The following NPHP3 variants were observed in gnomAD, a reference collection of about 807,000 sequenced individuals.
NPHP3 encodes nephrocystin 3.
A neutral mutation model predicts 171.9 loss-of-function variants in NPHP3; 123 were observed. That is an observed-to-expected ratio of 0.72 (90% CI 0.62 to 0.83). The LOEUF is 0.83. NPHP3 is among the 40% of genes least tolerant of loss of function. The pLI is 0.00. For missense variants in NPHP3, 1,506 were observed against 1,591.9 expected, an observed-to-expected ratio of 0.95 and a Z score of 0.92; for synonymous variants, 558 against 579.2, an observed-to-expected ratio of 0.96 and a Z score of 0.52.
rs910477617 is a variant in NPHP3, at chr3:132,696,821, A to G, written c.2089-8T>C. On this transcript the variant is annotated splice_region_variant and splice_polypyrimidine_tract_variant and intron_variant, in intron 14 of 26. Coordinates refer to ENST00000337331, the MANE Select transcript of NPHP3 (RefSeq NM_153240.5). ...TCGTTCTAGCTTCTTCTCCTGCACC[A>G]GTTTACCAAGAAAAACAAAACAGAA... 1.2e-6 allele frequency: 2 copies of G among 1,611,832 alleles called. No individual in the cohort carries two copies. The highest frequency in any genetic ancestry group is 1.7e-6 in the Non-Finnish European group (2 of 1,178,206).
intron 4 of NPHP3, among the ~76,000 whole-genome samples, chr3:132,715,851 G>C (rs1244963119): frequency 6.6e-6 from 1 of 152,152 alleles, no homozygotes; most frequent in Non-Finnish European, 1.5e-5. Flanking sequence ...ATATTCTTTT[G>C]GATATGAATA....
intron 19 of NPHP3, 96 bp from the exon 20 acceptor site, chr3:132,689,359 T>C: frequency 7.7e-7 from 1 of 1,300,532 alleles, no homozygotes; most frequent in Non-Finnish European, 1.1e-6. Flanking sequence ...ATTGACAATT[T>C]ATTAGTAGGC....
chr3:132,691,678 A>G (rs1939303037), intron 17 of NPHP3, among the ~76,000 whole-genome samples: 1 of 152,226 alleles, frequency 6.6e-6, no homozygotes, highest in African/African-American at 2.4e-5. Flanking sequence ...GACTTCATTT[A>G]CAATTGTATA....
intron 10 of NPHP3, 141 bp from the exon 11 acceptor site, chr3:132,700,589 ATTTCTGTT>A: frequency 1.8e-6 from 1 of 558,596 alleles, no homozygotes; most frequent in Non-Finnish European, 3.1e-6. Flanking sequence ...AAATATGGAG[ATTTCTGTT>A]TTTACTCCAC....
intron 1 of NPHP3, 88 bp from the exon 2 acceptor site, chr3:132,719,918 A>G (rs1576688643): frequency 2.3e-6 from 1 of 443,680 alleles, no homozygotes. Flanking sequence ...ATATATATAT[A>G]TGTTACGTAT....
In NPHP3 at chr3:132,691,433, A is replaced by G. The variant is rs1939296336; in HGVS notation, c.2476-147T>C. 7.9e-6 allele frequency: 5 copies of G among 635,246 alleles called. No individual in the cohort carries two copies. The Admixed American group carries it at 8.0e-5, about 10-fold the overall frequency. The allele number at this position is 635,246 out of a possible 1,614,324, so 39.4% of individuals were successfully genotyped here. ...ACTTAAATGTTTTTAAATTTAGGAC[A>G]TATTTATTTGATAAACTGTTACTAG... On this transcript the variant is annotated intron_variant, in intron 17 of 26. Transcript: ENST00000337331.
At chr3:132,703,574 TCTTTC>T (rs1446148099) in intron 9 of NPHP3, among the ~76,000 whole-genome samples, 4 of 150,560 alleles carry the variant, frequency 2.7e-5, no homozygotes, top group Admixed American at 2.6e-4. Flanking sequence ...TTTCTTTCTT[TCTTTC>T]TTTTTTTTTT....
chr3:132,715,585 T>C (rs747628002), intron 4 of NPHP3, among the ~76,000 whole-genome samples: 4 of 152,238 alleles, frequency 2.6e-5, no homozygotes, highest in Non-Finnish European at 5.9e-5. Flanking sequence ...GTTAAAAGAA[T>C]GTTCAAGAAT....
chr3:132,687,097 G>C, intron 22 of NPHP3, 54 bp downstream of exon 22: 1 of 891,180 alleles, frequency 1.1e-6, no homozygotes, highest in Non-Finnish European at 1.9e-6. Context: ...ATGCATTTAT[G>C]ATGCTCTTTT....
intron 3 of NPHP3, among the ~76,000 whole-genome samples, chr3:132,717,772 T>C (rs992891723): frequency 4.1e-5 from 6 of 146,052 alleles, no homozygotes; most frequent in African/African-American, 7.7e-5. Flanking sequence ...TTTTTTTTTT[T>C]TTTTTGAGAT....
Position 132,722,198 on chromosome 3 carries a change from G to T in NPHP3, c.158C>A (p.Ala53Glu). Residue 53 changes from alanine to glutamate, a missense_variant, in exon 1 of 27, where the codon GCA becomes GAA. Ala to Glu is a moderately radical substitution (Grantham distance 107). Around this residue, in one of 3 missense-constraint regions of NPHP3, gnomAD observed 930 missense variants for 924.9 expected, o/e 1.01. Transcript: ENST00000337331. ...GGGCAGCGACCCGGGCCCGGCCCCT[G>T]CTGCCGCCCCCGCGCCTCGGCGGAA... ...NSFRRGAGAA[A>E]GAGPGSLPRG... 6.6e-7 allele frequency: 1 copy of T among 1,509,598 alleles called. No individual in the cohort carries two copies. 93.5% of individuals were successfully genotyped at this position (1,509,598 alleles called of 1,614,324 possible). A position where few individuals can be genotyped will look rare whatever the true frequency, so the allele number is the denominator to read the frequency against.
chr3:132,690,708 AG>A (rs2107969579), intron 18 of NPHP3, 58 bp from the exon 19 acceptor site: 3 of 1,567,396 alleles, frequency 1.9e-6, no homozygotes, highest in Non-Finnish European at 2.6e-6. Context: ...TGCTTCAAAA[AG>A]GCTTCAGGCA....
Position 132,688,671 on chromosome 3 carries a change from G to A in NPHP3, c.3104C>T (p.Thr1035Ile). 6.2e-7 allele frequency: 1 copy of A among 1,614,048 alleles called. No individual in the cohort carries two copies. The highest frequency in any genetic ancestry group is 8.5e-7 in the Non-Finnish European group (1 of 1,179,922). ...TTACTTATTTTGTTTCTGGTACAAAGTTGCAAGTGCTTCAAGTTCACGAGC... is the reference window on the plus strand; with the variant it reads ...TTACTTATTTTGTTTCTGGTACAAAATTGCAAGTGCTTCAAGTTCACGAGC... ...YTARELEALA[T>I]LYQKQNKYEQ... The change falls in exon 21 of 27, where the codon ACT becomes ATT. Residue 1035 changes from threonine to isoleucine, a missense_variant. Physicochemically the swap from Thr to Ile is moderately conservative, Grantham distance 89. Around this residue, in one of 3 missense-constraint regions of NPHP3, gnomAD observed 569 missense variants for 648.1 expected, o/e 0.88. Transcript: ENST00000337331.
At chr3:132,715,029 T>G (rs1940012632) in intron 5 of NPHP3, 56 bp downstream of exon 5, 1 of 1,416,412 alleles carries the variant, frequency 7.1e-7, no homozygotes, top group Non-Finnish European at 9.9e-7. Flanking sequence ...AGAAACAGAA[T>G]ATAATATTAA....
chr3:132,682,554 T>TAC (rs1472638190), intron 26 of NPHP3, 149 bp downstream of exon 26: 14 of 640,914 alleles, frequency 2.2e-5, no homozygotes, highest in East Asian at 1.9e-4. Context: ...TTCTGGATAC[T>TAC]ACTTCAGTAC....
intron 1 of NPHP3, 175 bp downstream of exon 1, chr3:132,721,788 A>C (rs2108007022): frequency 1.1e-6 from 1 of 880,730 alleles, no homozygotes; most frequent in Non-Finnish European, 1.8e-6. Context: ...TCTCCAAAAA[A>C]AGAGACAGAA....
chr3:132,698,917 G>A (rs1287049066), intron 13 of NPHP3, among the ~76,000 whole-genome samples: 1 of 151,714 alleles, frequency 6.6e-6, no homozygotes, highest in South Asian at 2.1e-4. Flanking sequence ...TTTGGAGACA[G>A]GGTCTCCCTC....
At chr3:132,706,151 A>T (rs867536754) in intron 7 of NPHP3, among the ~76,000 whole-genome samples, 1 of 152,076 alleles carries the variant, frequency 6.6e-6, no homozygotes, top group East Asian at 1.9e-4. Flanking sequence ...CGAAGTCAGG[A>T]GATCAAGACC....
chr3:132,700,149 C>T, intron 11 of NPHP3, 88 bp from the exon 12 acceptor site: 1 of 1,527,990 alleles, frequency 6.5e-7, no homozygotes, highest in South Asian at 1.1e-5. Context: ...TCTATTCTTA[C>T]TTTTTTATAA....
Sources: gnomAD v4.1 joint callset for allele counts (sites outside exome capture counted in the v4.1 genomes callset) on GRCh38, gnomAD v4.1.1 for gene constraint, gnomAD v4.1.1 regional missense constraint, MANE v1.5 for transcripts, NCBI Gene and HGNC (gene_info 2026-07-23, HGNC 2026-07-21) for gene names.